The following MAN2A1 variants were observed in gnomAD, a reference collection of about 807,000 sequenced individuals.
MAN2A1 encodes mannosidase alpha class 2A member 1.
A neutral mutation model predicts 142.6 loss-of-function variants in MAN2A1; 76 were observed. The ratio of observed to expected loss-of-function variants is 0.53; its 90% CI spans 0.44 to 0.65. MAN2A1 has a LOEUF of 0.65. MAN2A1 is among the 30% of genes least tolerant of loss of function. MAN2A1 has a pLI of 0.00. For synonymous variants in MAN2A1, 559 were observed against 473.2 expected (o/e 1.18, Z -2.35); for missense variants, 1,311 against 1,365.1 (o/e 0.96, Z 0.62).
chr5:109,755,763 T>G (rs911137313), intron 5 of MAN2A1, among the ~76,000 whole-genome samples: 3 of 151,872 alleles, frequency 2.0e-5, no homozygotes, highest in Non-Finnish European at 4.4e-5. Context: ...TTATGGTAGC[T>G]TAAGTTTTTT....
At chr5:109,861,340 TG>T (rs139576901) in intron 20 of MAN2A1, among the ~76,000 whole-genome samples, 1,607 of 152,324 alleles carry the variant, frequency 0.011, 33 homozygotes, top group East Asian at 0.077. Flanking sequence ...TCACTAATAA[TG>T]AGGTAAAAAC....
chr5:109,750,991 C>G (rs1419729999), intron 4 of MAN2A1, among the ~76,000 whole-genome samples: 1 of 152,026 alleles, frequency 6.6e-6, no homozygotes, highest in Non-Finnish European at 1.5e-5. Flanking sequence ...ATTTCCAGTC[C>G]TCTTTTAGCT....
At chr5:109,761,672 G>A (rs1205435830) in intron 5 of MAN2A1, among the ~76,000 whole-genome samples, 1 of 151,538 alleles carries the variant, frequency 6.6e-6, no homozygotes, top group African/African-American at 2.4e-5. Context: ...TTATTGGTTT[G>A]TGATACTTAA....
chr5:109,709,769 C>T (rs1053320825), intron 1 of MAN2A1, among the ~76,000 whole-genome samples: 7 of 152,272 alleles, frequency 4.6e-5, no homozygotes, highest in African/African-American at 1.4e-4. Flanking sequence ...TCCTTCCCCA[C>T]TCCTGAGCGG....
At chr5:109,770,297 A>G in intron 6 of MAN2A1, 58 bp from the exon 7 acceptor site, 2 of 1,483,534 alleles carry the variant, frequency 1.3e-6, no homozygotes, top group African/African-American at 1.4e-5. Context: ...CATTTTGAAT[A>G]TTTTTTGGGA....
intron 3 of MAN2A1, among the ~76,000 whole-genome samples, chr5:109,724,278 G>C (rs1751684706): frequency 6.6e-6 from 1 of 152,110 alleles, no homozygotes; most frequent in Non-Finnish European, 1.5e-5. Context: ...TGAAAGGAGG[G>C]AGAGAGGGAA....
At chr5:109,704,336 G>C (rs565565855) in intron 1 of MAN2A1, among the ~76,000 whole-genome samples, 1 of 152,356 alleles carries the variant, frequency 6.6e-6, no homozygotes, top group Admixed American at 6.5e-5. Context: ...AAGGTATTCT[G>C]TAGCTACGTA....
intron 16 of MAN2A1, among the ~76,000 whole-genome samples, chr5:109,831,517 A>T (rs768044647): frequency 2.1e-4 from 32 of 152,194 alleles, no homozygotes; most frequent in Non-Finnish European, 3.2e-4. Flanking sequence ...TTTTTAATTG[A>T]CTTGAAGTTT....
At chr5:109,796,549 A>G (rs575329025) in intron 12 of MAN2A1, among the ~76,000 whole-genome samples, 1 of 151,492 alleles carries the variant, frequency 6.6e-6, no homozygotes, top group East Asian at 2.0e-4. Flanking sequence ...ATCAATTTGG[A>G]GACTAAATCT....
At chr5:109,740,849 C>A (rs1366430404) in intron 4 of MAN2A1, among the ~76,000 whole-genome samples, 1 of 152,126 alleles carries the variant, frequency 6.6e-6, no homozygotes, top group Non-Finnish European at 1.5e-5. Flanking sequence ...ATTTTATGGC[C>A]TGCGGATGGC....
chr5:109,690,447 C>G lies in MAN2A1; in HGVS notation c.30C>G (p.Phe10Leu). Residue 10 changes from phenylalanine to leucine, a missense_variant, in exon 1 of 22, where the codon TTC becomes TTG. Around this residue, in one of 3 missense-constraint regions of MAN2A1, gnomAD observed 409 missense variants for 412.7 expected, o/e 0.99. Transcript: ENST00000261483. MKLSRQFTV[F>L]GSAIFCVVIF... ...AGTTAAGCCGCCAGTTCACCGTGTTCGGCAGTGCGATCTTCTGTGTGGTGA... is the reference window on the plus strand; with the variant it reads ...AGTTAAGCCGCCAGTTCACCGTGTTGGGCAGTGCGATCTTCTGTGTGGTGA... 3 of 1,614,038 alleles carry G rather than the reference C, an allele frequency of 1.9e-6. No homozygotes were observed. The highest frequency in any genetic ancestry group is 1.1e-5 in the South Asian group (1 of 91,076).
intron 3 of MAN2A1, among the ~76,000 whole-genome samples, chr5:109,718,476 C>T (rs981105193): frequency 1.3e-5 from 2 of 152,154 alleles, no homozygotes; most frequent in African/African-American, 4.8e-5. Context: ...GGTTACATAG[C>T]TAACAAGGGG....
Position 109,851,647 on chromosome 5 carries a change from G to C in MAN2A1, c.2977-3493G>C, listed in dbSNP as rs1054037068. Among the ~76,000 whole-genome samples, 3 of 152,108 alleles carry C rather than the reference G, an allele frequency of 2.0e-5. No homozygotes were observed. In the East Asian group the frequency reaches 5.8e-4, roughly 29 times the overall value. Reference sequence around the variant, plus strand: ...ACTTCTTTTATAGATAAATTATCCAGTCTGTGGTATTCTGTTATGGCAGCA... The same window carrying C: ...ACTTCTTTTATAGATAAATTATCCACTCTGTGGTATTCTGTTATGGCAGCA... On this transcript the variant is annotated intron_variant, in intron 19 of 21. Transcript: ENST00000261483.
intron 4 of MAN2A1, among the ~76,000 whole-genome samples, chr5:109,739,464 A>G (rs1236123142): frequency 6.6e-6 from 1 of 151,908 alleles, no homozygotes; most frequent in Non-Finnish European, 1.5e-5. Context: ...TGTTGTATTT[A>G]CTGTGTTTTG....
rs11351742 is a variant in MAN2A1 at position 109,867,157 on chromosome 5, GAA to G, written c.*179_*180del. The G allele has an allele frequency of 0.046, 4,336 of 93,844 alleles. 42 individuals carry two copies. Among genetic ancestry groups the G allele is most frequent in the Non-Finnish European group, 0.055 (2,615 of 47,972 alleles). 5.8% of individuals were successfully genotyped at this position (93,844 alleles called of 1,614,324 possible). A position where few individuals can be genotyped will look rare whatever the true frequency, so the allele number is the denominator to read the frequency against. ...CTTTTTTCTTTTACCAGTACAGTAA[GAA>G]AAAAAAAAAAAAAAAAAAAGCCATG... is the stretch of plus-strand genomic sequence containing the variant. On this transcript the variant is annotated 3_prime_UTR_variant, in exon 22 of 22. Transcript: ENST00000261483.
intron 21 of MAN2A1, among the ~76,000 whole-genome samples, chr5:109,865,869 G>A (rs778086191): frequency 3.9e-5 from 6 of 152,148 alleles, no homozygotes; most frequent in Non-Finnish European, 7.3e-5. Flanking sequence ...CACTGAAAGG[G>A]CCATGACTCA....
rs765623423 is a variant in MAN2A1 at position 109,713,714 on chromosome 5, A to G, written c.330A>G (p.Ser110=). ...SHLLPSQLSL[S]VDTADCLFAS... ...TTCTGCCCTCACAATTATCCCTCTC[A>G]GTTGACACTGCAGACTGTCTGTTTG... The change falls in exon 2 of 22, where the codon TCA becomes TCG. Residue 110 remains serine, a synonymous_variant. Transcript: ENST00000261483. 5.3e-5 allele frequency: 86 copies of G among 1,613,934 alleles called. 2 individuals carry two copies. In the East Asian group the frequency reaches 1.8e-3, roughly 34 times the overall value.
intron 3 of MAN2A1, among the ~76,000 whole-genome samples, chr5:109,719,298 A>G (rs1173649516): frequency 1.3e-5 from 2 of 152,256 alleles, no homozygotes; most frequent in African/African-American, 2.4e-5. Context: ...TTAAAACTAC[A>G]GTGATTTTTG....
At chr5:109,743,272 C>G (rs1752318601) in intron 4 of MAN2A1, among the ~76,000 whole-genome samples, 2 of 152,150 alleles carry the variant, frequency 1.3e-5, no homozygotes, top group South Asian at 4.1e-4. Context: ...GCATGCTTTT[C>G]CACACTGTTG....
Sources: allele counts gnomAD v4.1 joint callset (sites outside exome capture counted in the v4.1 genomes callset), GRCh38; gene constraint gnomAD v4.1.1; regional missense constraint gnomAD v4.1.1; transcripts MANE v1.5; gene names NCBI Gene and HGNC (gene_info 2026-07-23, HGNC 2026-07-21).